Variants in CMYA5 observed in about 807,000 individuals in gnomAD.
CMYA5 encodes the protein cardiomyopathy-associated protein 5.
Under a neutral mutation model 318.9 loss-of-function variants are expected in CMYA5, and 246 were observed. The observed-to-expected ratio is 0.77, with a 90% CI of 0.70 to 0.86. CMYA5 has a LOEUF of 0.86. Ranked by LOEUF, CMYA5 falls within the 40% of genes least tolerant of loss-of-function variation. CMYA5 has a pLI of 0.00. For missense variants in CMYA5, 4,589 were observed against 4,678.2 expected (o/e 0.98, Z 0.56); for synonymous variants, 1,641 against 1,729.5 (o/e 0.95, Z 1.27).
intron 1 of CMYA5, among the ~76,000 whole-genome samples, chr5:79,690,633 T>G (rs564692869): frequency 2.8e-4 from 43 of 152,306 alleles, no homozygotes; most frequent in African/African-American, 1.0e-3. Context: ...GAAGTAATAC[T>G]ATGTACAAAA....
intron 9 of CMYA5, among the ~76,000 whole-genome samples, chr5:79,787,714 C>T (rs966636673): frequency 4.6e-5 from 7 of 152,204 alleles, no homozygotes; most frequent in African/African-American, 1.4e-4. Context: ...CAGGGTGTCC[C>T]CTTACCCCTG....
intron 9 of CMYA5, among the ~76,000 whole-genome samples, chr5:79,771,066 A>AG (rs1397842849): frequency 7.1e-6 from 1 of 141,322 alleles, no homozygotes; most frequent in Admixed American, 7.0e-5. Context: ...AGAGGGAGAG[A>AG]GGAAAAAAAA....
At chr5:79,707,934 C>T (rs1192130466) in intron 1 of CMYA5, among the ~76,000 whole-genome samples, 2 of 152,174 alleles carry the variant, frequency 1.3e-5, no homozygotes, top group Non-Finnish European at 2.9e-5. Flanking sequence ...CTTGAACCTC[C>T]TTGCTGAGTC....
At chr5:79,798,835 G>A (rs1380527699) in intron 12 of CMYA5, among the ~76,000 whole-genome samples, 1 of 152,210 alleles carries the variant, frequency 6.6e-6, no homozygotes, top group Non-Finnish European at 1.5e-5. Flanking sequence ...AAAATGAAAA[G>A]GAGAGTTGGT....
At position 79,799,866 on chromosome 5, in the gene CMYA5, A is replaced by ACGGC; in HGVS notation, c.*250_*251insCGGC. 1 of 171,374 alleles carries ACGGC rather than the reference A, an allele frequency of 5.8e-6. No individual in the cohort carries two copies. The highest frequency in any genetic ancestry group is 1.1e-5 in the Non-Finnish European group (1 of 88,816). The allele number at this position is 171,374 out of a possible 1,614,324, so 10.6% of individuals were successfully genotyped here. On this transcript the variant is annotated 3_prime_UTR_variant, in exon 13 of 13. Coordinates refer to ENST00000446378, the MANE Select transcript of CMYA5 (RefSeq NM_153610.5). ...TTTATATAAGTTTGAGTTCTTTCCT[A>ACGGC]AATTAAAAGATCTACACTTGAGTTG...
chr5:79,775,057 G>T (rs1828914865), intron 9 of CMYA5, among the ~76,000 whole-genome samples: 1 of 152,140 alleles, frequency 6.6e-6, no homozygotes, highest in African/African-American at 2.4e-5. Flanking sequence ...TGACACGATT[G>T]GGCCAAAGTT....
In CMYA5 at chr5:79,732,292, C is replaced by T; in HGVS notation, c.3527C>T (p.Ser1176Leu). 2 of 1,613,892 alleles carry T rather than the reference C, an allele frequency of 1.2e-6. No individual in the cohort carries two copies. Among genetic ancestry groups the T allele is most frequent in the African/African-American group, 1.3e-5 (1 of 75,044 alleles). Residue 1176 changes from serine (S) to leucine (L), a missense_variant, in exon 2 of 13, where the codon TCA becomes TTA. By Grantham distance (145) the Ser-to-Leu change is moderately radical. Transcript: ENST00000446378. ...PASPHSVLPD[S>L]VPAIKKEQEP... ...TCTCCACATTCAGTTTTACCTGATT[C>T]AGTCCCTGCAATCAAGAAAGAACAG...
rs1827812123 is a variant in CMYA5 at position 79,729,095 on chromosome 5, A to T, written c.330A>T (p.Glu110Asp). ...ESQTSGVCSR[E>D]GSTVNSPPGN... ...AGACTTCTGGTGTGTGTAGTCGGGAAGGGTCAACTGTGAATTCTCCTCCTG... is the reference window on the plus strand; with the variant it reads ...AGACTTCTGGTGTGTGTAGTCGGGATGGGTCAACTGTGAATTCTCCTCCTG... Residue 110 changes from glutamate to aspartate, a missense_variant, in exon 2 of 13, where the codon GAA becomes GAT. Glu to Asp is a conservative substitution (Grantham distance 45, BLOSUM62 2). Transcript: ENST00000446378. The T allele has an allele frequency of 1.2e-6, 2 of 1,613,644 alleles. No individual in the cohort carries two copies. The highest frequency in any genetic ancestry group is 2.7e-5 in the African/African-American group (2 of 74,864).
intron 1 of CMYA5, among the ~76,000 whole-genome samples, chr5:79,703,113 A>C (rs1383525441): frequency 6.6e-6 from 1 of 152,226 alleles, no homozygotes; most frequent in Non-Finnish European, 1.5e-5. Context: ...CTGCTGGACC[A>C]GCAGGGGGCC....
At chr5:79,770,233 C>A (rs1828828876) in intron 9 of CMYA5, among the ~76,000 whole-genome samples, 1 of 152,212 alleles carries the variant, frequency 6.6e-6, no homozygotes, top group Non-Finnish European at 1.5e-5. Context: ...TCTTAGCTTG[C>A]TGGGCTCCTT....
rs2151084706 is a variant in CMYA5 at position 79,730,621 on chromosome 5, C to T, written c.1856C>T (p.Ser619Phe). The T allele has an allele frequency of 2.5e-6, 4 of 1,614,018 alleles. No homozygotes were observed. The highest frequency in any genetic ancestry group is 2.5e-6 in the Non-Finnish European group (3 of 1,179,890). The change falls in exon 2 of 13, where the codon TCC becomes TTC. Residue 619 changes from serine (S) to phenylalanine (F), a missense_variant. Ser to Phe is a radical substitution (Grantham distance 155). Around this residue, in one of 3 missense-constraint regions of CMYA5, gnomAD observed 2,132 missense variants for 2,131.3 expected, o/e 1.00. Transcript: ENST00000446378. ...CAAGAAGGTGAGCCAGTTCCCCCAT[C>T]CAATGTAGAAGCTATAGCTGAACAT... ...QEQEGEPVPP[S>F]NVEAIAEHAV...
At chr5:79,723,331 C>A in intron 1 of CMYA5, among the ~76,000 whole-genome samples, 1 of 150,730 alleles carries the variant, frequency 6.6e-6, no homozygotes, top group Non-Finnish European at 1.5e-5. Context: ...CCCAGCTACT[C>A]GGGAGGCTGA....
At chr5:79,716,174 T>A (rs1827513302) in intron 1 of CMYA5, among the ~76,000 whole-genome samples, 1 of 152,230 alleles carries the variant, frequency 6.6e-6, no homozygotes, top group East Asian at 1.9e-4. Context: ...GTATTAGGAT[T>A]TGACTAGTAG....
Position 79,733,273 on chromosome 5 carries a change from G to A in CMYA5, c.4508G>A (p.Cys1503Tyr). 1 of 1,613,712 alleles carries A rather than the reference G, an allele frequency of 6.2e-7. No homozygotes were observed. Among genetic ancestry groups the A allele is most frequent in the South Asian group, 1.1e-5 (1 of 91,072 alleles). Residue 1503 changes from cysteine to tyrosine, a missense_variant, in exon 2 of 13, where the codon TGT becomes TAT. Physicochemically the swap from Cys to Tyr is radical, Grantham distance 194 (BLOSUM62 -2). Transcript: ENST00000446378. ...CAAGATCTTTTATTTTCTACAGTCT[G>A]TGACTCTGAACGTTTGGTTTCATCA... is the stretch of plus-strand genomic sequence containing the variant. ...DKQDLLFSTV[C>Y]DSERLVSSQK...
In CMYA5 at chr5:79,729,883, C is replaced by T. The variant is rs767158734; in HGVS notation, c.1118C>T (p.Pro373Leu). Residue 373 changes from proline to leucine, a missense_variant, in exon 2 of 13, where the codon CCA becomes CTA. Transcript: ENST00000446378. Reference protein sequence around the residue: ...VPQQPEDEAKPHEVEPPSVTP... With the variant: ...VPQQPEDEAKLHEVEPPSVTP... Reference sequence around the variant, plus strand: ...CAACAGCCAGAAGATGAAGCAAAACCACATGAAGTGGAACCTCCATCTGTG... The same window carrying T: ...CAACAGCCAGAAGATGAAGCAAAACTACATGAAGTGGAACCTCCATCTGTG... 1.9e-6 allele frequency: 3 copies of T among 1,612,686 alleles called. No individual in the cohort carries two copies. The highest frequency in any genetic ancestry group is 2.5e-6 in the Non-Finnish European group (3 of 1,179,282).
chr5:79,766,291 C>G (rs1477459793), intron 9 of CMYA5, among the ~76,000 whole-genome samples: 1 of 152,042 alleles, frequency 6.6e-6, no homozygotes, highest in Non-Finnish European at 1.5e-5. Context: ...TTAGTAGAGA[C>G]GGGGTTTCAC....
chr5:79,740,684 C>T (rs1828192248), intron 2 of CMYA5, among the ~76,000 whole-genome samples: 1 of 152,332 alleles, frequency 6.6e-6, no homozygotes, highest in South Asian at 2.1e-4. Flanking sequence ...AAATACTCCA[C>T]TTCCCTGAGA....
chr5:79,730,057 A>G lies in CMYA5; in HGVS notation c.1292A>G (p.His431Arg). 1 of 1,613,924 alleles carries G rather than the reference A, an allele frequency of 6.2e-7. No homozygotes were observed. Among genetic ancestry groups the G allele is most frequent in the Non-Finnish European group, 8.5e-7 (1 of 1,179,894 alleles). The change falls in exon 2 of 13, where the codon CAC becomes CGC. Residue 431 changes from histidine to arginine, a missense_variant. Physicochemically the swap from His to Arg is conservative, Grantham distance 29 (BLOSUM62 0). Around this residue, in one of 3 missense-constraint regions of CMYA5, gnomAD observed 2,132 missense variants for 2,131.3 expected, o/e 1.00. Transcript: ENST00000446378. ...EVKKEDVYSA[H>R]HSISLEAASP... Reference sequence around the variant, plus strand: ...AAGAAGGAAGATGTGTATTCTGCTCACCATTCCATTTCTCTGGAGGCAGCG... The same window carrying G: ...AAGAAGGAAGATGTGTATTCTGCTCGCCATTCCATTTCTCTGGAGGCAGCG...
At chr5:79,697,101 G>T (rs1827082628) in intron 1 of CMYA5, among the ~76,000 whole-genome samples, 1 of 152,220 alleles carries the variant, frequency 6.6e-6, no homozygotes, top group African/African-American at 2.4e-5. Context: ...ATATAAACAT[G>T]TAGTGAACAA....
Sources: allele counts gnomAD v4.1 joint callset (sites outside exome capture counted in the v4.1 genomes callset), GRCh38; gene constraint gnomAD v4.1.1; regional missense constraint gnomAD v4.1.1; transcripts MANE v1.5; gene names NCBI Gene and HGNC (gene_info 2026-07-23, HGNC 2026-07-21).